ITIH5: variants seen among roughly 807,000 people sequenced by gnomAD.
ITIH5 encodes inter-alpha-trypsin inhibitor heavy chain 5.
A neutral mutation model predicts 77.5 loss-of-function variants in ITIH5; 65 were observed. The ratio of observed to expected loss-of-function variants is 0.84; its 90% CI spans 0.69 to 1.03. The LOEUF (loss-of-function observed/expected upper bound fraction) is 1.03, where lower values mean the gene tolerates loss of function less well. ITIH5 is among the 50% of genes least tolerant of loss of function. The pLI is 0.00. For missense variants in ITIH5, 1,208 were observed against 1,213.1 expected (o/e 1.00, Z 0.06); for synonymous variants, 525 against 494.3 (o/e 1.06, Z -0.82).
At chr10:7,615,498 C>T (rs1247435457) in intron 7 of ITIH5, among the ~76,000 whole-genome samples, 3 of 152,230 alleles carry the variant, frequency 2.0e-5, no homozygotes, top group East Asian at 1.9e-4. Flanking sequence ...TCTAATTTTT[C>T]GACATAAACT....
chr10:7,628,132 T>A (rs1428302975), intron 5 of ITIH5, among the ~76,000 whole-genome samples: 2 of 152,188 alleles, frequency 1.3e-5, no homozygotes, highest in Non-Finnish European at 2.9e-5. Flanking sequence ...TGAGCCACCA[T>A]GCCCAGCCAA....
intron 5 of ITIH5, among the ~76,000 whole-genome samples, chr10:7,626,895 A>G (rs918941762): frequency 2.0e-5 from 3 of 152,194 alleles, no homozygotes; most frequent in Middle Eastern, 3.2e-3. Flanking sequence ...TCATAACAAC[A>G]TAAGTGCTAG....
At position 7,612,926 on chromosome 10, in the gene ITIH5, G is replaced by C. The variant is rs906347300; in HGVS notation, c.939+3056C>G. ...AGCCATCAATGTCACAAAACAACTT[G>C]GTCAACGAATGGCATTTAAGAACTT... On this transcript the variant is annotated intron_variant, in intron 7 of 13. Coordinates refer to ENST00000397146, the MANE Select transcript of ITIH5 (RefSeq NM_030569.7). Among the ~76,000 whole-genome samples the C allele has an allele frequency of 3.9e-5, 6 of 152,236 alleles. No homozygotes were observed. In the East Asian group the frequency reaches 1.2e-3, roughly 29 times the overall value.
rs367635992 is a variant in ITIH5, at chr10:7,563,000, G to A, written c.*83C>T. ...CCAGCTAATTGCCAGGAGCTGAGGC[G>A]TGTACAAGCCATGAAAAGAGCTGCC... On this transcript the variant is annotated 3_prime_UTR_variant, in exon 14 of 14. Transcript: ENST00000397146. The A allele has an allele frequency of 8.6e-5, 105 of 1,226,176 alleles. No individual in the cohort carries two copies. The highest frequency in any genetic ancestry group is 1.2e-4 in the Admixed American group (7 of 58,842). The allele number at this position is 1,226,176 out of a possible 1,614,324, so 76.0% of individuals were successfully genotyped here.
chr10:7,638,444 A>C (rs1833834974), intron 4 of ITIH5, among the ~76,000 whole-genome samples: 1 of 152,206 alleles, frequency 6.6e-6, no homozygotes, highest in Non-Finnish European at 1.5e-5. Context: ...CACAGAGAAA[A>C]CGTAAAAGTG....
At chr10:7,649,136 T>C (rs1324410623) in intron 2 of ITIH5, among the ~76,000 whole-genome samples, 1 of 152,152 alleles carries the variant, frequency 6.6e-6, no homozygotes, top group Non-Finnish European at 1.5e-5. Context: ...ACAGAAGCCA[T>C]GACTACTACT....
At chr10:7,575,579 C>G (rs1398509137) in intron 10 of ITIH5, among the ~76,000 whole-genome samples, 1 of 152,198 alleles carries the variant, frequency 6.6e-6, no homozygotes, top group African/African-American at 2.4e-5. Context: ...TTTCCTTTCT[C>G]TTGTTCTCGT....
chr10:7,586,392 G>C (rs1005461321), intron 7 of ITIH5, among the ~76,000 whole-genome samples: 3 of 152,108 alleles, frequency 2.0e-5, no homozygotes, highest in Non-Finnish European at 4.4e-5. Context: ...TCTTTCACTT[G>C]ACAAGCCCCT....
chr10:7,560,581 G>C lies in ITIH5; in HGVS notation c.*2502C>G, dbSNP rs1310377863. On this transcript the variant is annotated 3_prime_UTR_variant, in exon 14 of 14. Transcript: ENST00000397146. ...ATGGTGCACCTAGCATGGGGCCGTC[G>C]GGGGTCAGGGGAGGATAGAGAACAA... 6.6e-6 allele frequency: 1 copy of C among 152,224 alleles called. No individual in the cohort carries two copies. The highest frequency in any genetic ancestry group is 1.5e-5 in the Non-Finnish European group (1 of 68,084). The allele number at this position is 152,224 out of a possible 1,614,324, so 9.4% of individuals were successfully genotyped here.
At chr10:7,598,734 A>T (rs1043249660) in intron 7 of ITIH5, among the ~76,000 whole-genome samples, 6 of 152,330 alleles carry the variant, frequency 3.9e-5, no homozygotes, top group Middle Eastern at 3.4e-3. Context: ...GCAAGACAAA[A>T]AACACTTTTA....
At chr10:7,603,709 G>T (rs146071686) in intron 7 of ITIH5, among the ~76,000 whole-genome samples, 2 of 151,972 alleles carry the variant, frequency 1.3e-5, no homozygotes, top group African/African-American at 4.8e-5. Context: ...TCAGCCTCCC[G>T]AGCAGCTGGG....
At chr10:7,585,571 C>A (rs1832655767) in intron 8 of ITIH5, among the ~76,000 whole-genome samples, 1 of 152,148 alleles carries the variant, frequency 6.6e-6, no homozygotes, top group Non-Finnish European at 1.5e-5. Context: ...AATTCTCCAC[C>A]CCAAAACCGT....
intron 5 of ITIH5, among the ~76,000 whole-genome samples, chr10:7,624,780 T>C (rs1833531586): frequency 9.4e-6 from 1 of 106,020 alleles, no homozygotes. Flanking sequence ...AGTGAGACTC[T>C]GCCTAAAAAA....
chr10:7,579,682 C>T, intron 9 of ITIH5, 73 bp downstream of exon 9: 1 of 1,470,898 alleles, frequency 6.8e-7, no homozygotes, highest in South Asian at 1.2e-5. Flanking sequence ...ACACACTCCT[C>T]TCTGAATTCC....
intron 7 of ITIH5, among the ~76,000 whole-genome samples, chr10:7,607,923 G>C (rs1833157686): frequency 6.6e-6 from 1 of 152,240 alleles, no homozygotes; most frequent in Non-Finnish European, 1.5e-5. Context: ...AGGGAAGCTA[G>C]ACTCTTCTGA....
intron 7 of ITIH5, 88 bp from the exon 8 acceptor site, chr10:7,586,157 A>G: frequency 8.2e-7 from 1 of 1,218,632 alleles, no homozygotes; most frequent in Non-Finnish European, 1.1e-6. Flanking sequence ...GCCCCCCAGG[A>G]AAAATGTCAG....
At chr10:7,639,930 G>A (rs1287611596) in intron 4 of ITIH5, among the ~76,000 whole-genome samples, 1 of 152,038 alleles carries the variant, frequency 6.6e-6, no homozygotes, top group East Asian at 1.9e-4. Context: ...ATTTAAGATA[G>A]TAGGGATAGT....
intron 4 of ITIH5, among the ~76,000 whole-genome samples, chr10:7,639,112 A>C (rs1833844357): frequency 6.6e-6 from 1 of 152,230 alleles, no homozygotes; most frequent in Non-Finnish European, 1.5e-5. Flanking sequence ...ACTTGGGATA[A>C]ATCTATAGTC....
chr10:7,632,192 C>T (rs1833724253), intron 5 of ITIH5, among the ~76,000 whole-genome samples: 1 of 152,152 alleles, frequency 6.6e-6, no homozygotes. Context: ...GGGAATAGAT[C>T]TCAACCTTTA....
Sources: allele counts gnomAD v4.1 joint callset (sites outside exome capture counted in the v4.1 genomes callset), GRCh38; gene constraint gnomAD v4.1.1; transcripts MANE v1.5; gene names NCBI Gene and HGNC (gene_info 2026-07-23, HGNC 2026-07-21).